Variants in SPHK1 observed in about 807,000 individuals in gnomAD.
SPHK1 encodes SK 1.
SPHK1 carries 10 observed loss-of-function variants against 14.6 expected under a neutral mutation model. That is an observed-to-expected ratio of 0.68 (90% CI 0.42 to 1.16). The LOEUF is 1.16. SPHK1 is among the 50% of genes most tolerant of loss of function. SPHK1 has a pLI of 0.00. For synonymous variants in SPHK1, 274 were observed against 224.0 expected (o/e 1.22, Z -1.99); for missense variants, 553 against 525.4 (o/e 1.05, Z -0.51).
In SPHK1 at chr17:76,386,791, T is replaced by G. The variant is rs2071992338; in HGVS notation, c.375-15T>G. The G allele has an allele frequency of 4.6e-6, 7 of 1,527,358 alleles. No individual in the cohort carries two copies. The highest frequency in any genetic ancestry group is 6.2e-6 in the Non-Finnish European group (7 of 1,137,414). 94.6% of individuals were successfully genotyped at this position (1,527,358 alleles called of 1,614,324 possible). On this transcript the variant is annotated splice_polypyrimidine_tract_variant and intron_variant, in intron 5 of 5. Transcript: ENST00000592299. The surrounding 1 kb of genome is among the most constrained non-coding windows in gnomAD (Gnocchi z 5.3). The stretch of plus-strand genomic sequence containing the variant: ...GGGCTCCTGTCCTGCCTTATCTGAC[T>G]TTTTCCCCCTGCAGCTATGAGCAGG...
At position 76,386,447 on chromosome 17, in the gene SPHK1, C is replaced by T. The variant is rs751274514; in HGVS notation, c.313C>T (p.Leu105=). 5.6e-6 allele frequency: 9 copies of T among 1,613,094 alleles called. No individual in the cohort carries two copies. In the East Asian group the frequency reaches 1.3e-4, roughly 24 times the overall value. Reference sequence around the variant, plus strand: ...CTGGGAGACCGCCATCCAGAAGCCCCTGTGTAGCCTCCCAGCAGGCTCTGG... The same window carrying T: ...CTGGGAGACCGCCATCCAGAAGCCCTTGTGTAGCCTCCCAGCAGGCTCTGG... ...PDWETAIQKP[L]CSLPAGSGNA... The change falls in exon 5 of 6, where the codon CTG becomes TTG. Residue 105 remains leucine, a synonymous_variant. Coordinates refer to ENST00000592299, the MANE Select transcript of SPHK1 (RefSeq NM_001142601.2). This position sits in a 1 kb window ranked among gnomAD's most constrained non-coding sequence, Gnocchi z 5.3.
Position 76,384,747 on chromosome 17 carries a change from C to G in SPHK1, c.-254C>G. The G allele has an allele frequency of 5.4e-6, 1 of 186,898 alleles. No individual in the cohort carries two copies. The highest frequency in any genetic ancestry group is 1.1e-5 in the Non-Finnish European group (1 of 91,126). 11.6% of individuals were successfully genotyped at this position (186,898 alleles called of 1,614,324 possible). A position where few individuals can be genotyped will look rare whatever the true frequency, so the allele number is the denominator to read the frequency against. ...GGCTGAGCTTGGGACGAGCTGCGTT[C>G]CGCCCCAGGCCACTGTAGGGAACGG... is the stretch of plus-strand genomic sequence containing the variant. On this transcript the variant is annotated 5_prime_UTR_variant, in exon 1 of 6. Coordinates refer to ENST00000592299, the MANE Select transcript of SPHK1 (RefSeq NM_001142601.2).
Position 76,386,686 on chromosome 17 carries a change from C to A in SPHK1, c.375-120C>A. ...TCCATTTGCTCCATCTGTCACCTAC[C>A]AGTCCTGCCAACTCCCCAGGGACCA... On this transcript the variant is annotated intron_variant, in intron 5 of 5. Coordinates refer to ENST00000592299, the MANE Select transcript of SPHK1 (RefSeq NM_001142601.2). The surrounding 1 kb of genome is among the most constrained non-coding windows in gnomAD (Gnocchi z 5.3). 7.9e-7 allele frequency: 1 copy of A among 1,269,498 alleles called. No homozygotes were observed. The highest frequency in any genetic ancestry group is 1.4e-5 in the South Asian group (1 of 69,008). The allele number at this position is 1,269,498 out of a possible 1,614,324, so 78.6% of individuals were successfully genotyped here.
At position 76,386,118 on chromosome 17, in the gene SPHK1, C is replaced by T. The variant is rs150987464; in HGVS notation, c.144C>T (p.Ser48=). ...VQPLLAEAEI[S]FTLMLTERRN... ...CCCTTTTGGCTGAGGCTGAAATCTC[C>T]TTCACGCTGATGCTCACTGGTGAGT... Residue 48 remains serine (S), a synonymous_variant, in exon 3 of 6, where the codon TCC becomes TCT. Coordinates refer to ENST00000592299, the MANE Select transcript of SPHK1 (RefSeq NM_001142601.2). The surrounding 1 kb of genome is among the most constrained non-coding windows in gnomAD (Gnocchi z 5.3). 1.7e-3 allele frequency: 2,659 copies of T among 1,597,526 alleles called. 2 individuals carry two copies. Among genetic ancestry groups the T allele is most frequent in the Middle Eastern group, 2.8e-3 (17 of 5,984 alleles).
chr17:76,385,896 C>A lies in SPHK1; in HGVS notation c.11-89C>A, dbSNP rs1270080127. The A allele has an allele frequency of 1.3e-6, 2 of 1,500,146 alleles. No individual in the cohort carries two copies. Among genetic ancestry groups the A allele is most frequent in the Non-Finnish European group, 8.9e-7 (1 of 1,120,040 alleles). 92.9% of individuals were successfully genotyped at this position (1,500,146 alleles called of 1,614,324 possible). A position where few individuals can be genotyped will look rare whatever the true frequency, so the allele number is the denominator to read the frequency against. On this transcript the variant is annotated intron_variant, in intron 2 of 5. Coordinates refer to ENST00000592299, the MANE Select transcript of SPHK1 (RefSeq NM_001142601.2). This position sits in a 1 kb window ranked among gnomAD's most constrained non-coding sequence, Gnocchi z 5.3. ...GGGTCAATTACCGGGGTGTTTCGGG[C>A]ACCAAGTTCCCACACTAGTGCCCCA...
In SPHK1 at chr17:76,385,959, T is replaced by A. The variant is rs1482545687; in HGVS notation, c.11-26T>A. Reference sequence around the variant, plus strand: ...GCCCCCTAGTGGTCGGTTGCGGACGTGGCCTCTTTGGTTTTGTTTTCTCAG... The same window carrying A: ...GCCCCCTAGTGGTCGGTTGCGGACGAGGCCTCTTTGGTTTTGTTTTCTCAG... On this transcript the variant is annotated intron_variant, in intron 2 of 5. Coordinates refer to ENST00000592299, the MANE Select transcript of SPHK1 (RefSeq NM_001142601.2). The surrounding 1 kb of genome is among the most constrained non-coding windows in gnomAD (Gnocchi z 5.3). The A allele has an allele frequency of 6.3e-7, 1 of 1,581,872 alleles. No homozygotes were observed. The highest frequency in any genetic ancestry group is 8.6e-7 in the Non-Finnish European group (1 of 1,161,578).
Position 76,386,083 on chromosome 17 carries a change from C to T in SPHK1, c.109C>T (p.His37Tyr). 1 of 1,605,914 alleles carries T rather than the reference C, an allele frequency of 6.2e-7. No homozygotes were observed. Among genetic ancestry groups the T allele is most frequent in the Non-Finnish European group, 8.5e-7 (1 of 1,175,758 alleles). Residue 37 changes from histidine (H) to tyrosine (Y), a missense_variant, in exon 3 of 6, where the codon CAC becomes TAC. Coordinates refer to ENST00000592299, the MANE Select transcript of SPHK1 (RefSeq NM_001142601.2). This position sits in a 1 kb window ranked among gnomAD's most constrained non-coding sequence, Gnocchi z 5.3. ...KGKALQLFRS[H>Y]VQPLLAEAEI... is the part of the protein sequence containing the mutation. Reference sequence around the variant, plus strand: ...CAAGGCCTTGCAGCTCTTCCGGAGTCACGTGCAGCCCCTTTTGGCTGAGGC... The same window carrying T: ...CAAGGCCTTGCAGCTCTTCCGGAGTTACGTGCAGCCCCTTTTGGCTGAGGC...
rs775476647 is a variant in SPHK1 at position 76,387,132 on chromosome 17, T to A, written c.701T>A (p.Val234Glu). Residue 234 changes from valine to glutamate, a missense_variant, in exon 6 of 6, where the codon GTA becomes GAA. Transcript: ENST00000592299. The surrounding 1 kb of genome is among the most constrained non-coding windows in gnomAD (Gnocchi z 4.1). ...CCCGTTGTGGTCCAGCAGGGCCCGG[T>A]AGATGCACACCTTGTGCCACTGGAG... The part of the protein sequence containing the change: ...ASPVVVQQGP[V>E]DAHLVPLEEP... 3 of 1,613,050 alleles carry A rather than the reference T, an allele frequency of 1.9e-6. No individual in the cohort carries two copies. Among genetic ancestry groups the A allele is most frequent in the Non-Finnish European group, 2.5e-6 (3 of 1,180,024 alleles).
rs1457339531 is a variant in SPHK1, at chr17:76,385,151, C to T, written c.-194-300C>T. 2 of 1,594,724 alleles carry T rather than the reference C, an allele frequency of 1.3e-6. No individual in the cohort carries two copies. Among genetic ancestry groups the T allele is most frequent in the East Asian group, 2.3e-5 (1 of 44,248 alleles). On this transcript the variant is annotated intron_variant, in intron 1 of 5. Transcript: ENST00000592299. The surrounding 1 kb of genome is among the most constrained non-coding windows in gnomAD (Gnocchi z 5.3). ...ATTTTTACGCAGCTGGACTCCCCTCCCCCTGGCAGCCCCGAGGGGTGAGGA... is the reference window on the plus strand; with the variant it reads ...ATTTTTACGCAGCTGGACTCCCCTCTCCCTGGCAGCCCCGAGGGGTGAGGA...
In SPHK1 at chr17:76,385,184, C is replaced by T. The variant is rs749516264; in HGVS notation, c.-194-267C>T. 3.2e-6 allele frequency: 5 copies of T among 1,577,738 alleles called. No individual in the cohort carries two copies. In the South Asian group the frequency reaches 4.7e-5, roughly 15 times the overall value. ...AGCCCCGAGGGGTGAGGAGCTAGTCCGTCGGAGGGAGCCACGGGGCTCTGA... is the reference window on the plus strand; with the variant it reads ...AGCCCCGAGGGGTGAGGAGCTAGTCTGTCGGAGGGAGCCACGGGGCTCTGA... On this transcript the variant is annotated intron_variant, in intron 1 of 5. Transcript: ENST00000592299. This position sits in a 1 kb window ranked among gnomAD's most constrained non-coding sequence, Gnocchi z 5.3.
chr17:76,386,174 C>A lies in SPHK1; in HGVS notation c.163+37C>A. The A allele has an allele frequency of 6.3e-7, 1 of 1,588,780 alleles. No individual in the cohort carries two copies. The highest frequency in any genetic ancestry group is 8.5e-7 in the Non-Finnish European group (1 of 1,170,484). On this transcript the variant is annotated intron_variant, in intron 3 of 5. Coordinates refer to ENST00000592299, the MANE Select transcript of SPHK1 (RefSeq NM_001142601.2). The surrounding 1 kb of genome is among the most constrained non-coding windows in gnomAD (Gnocchi z 5.3). ...TCGGAGGGGGTTTCGGGAGCATCCC[C>A]TGGCAGGGGACCCCCCCAGTCCTGA...
chr17:76,387,421 GC>G lies in SPHK1; in HGVS notation c.993del (p.Lys332ArgfsTer13). On this transcript the variant is annotated frameshift_variant, in exon 6 of 6. Transcript: ENST00000592299. LOFTEE classifies it low-confidence loss of function (END_TRUNC). The surrounding 1 kb of genome is among the most constrained non-coding windows in gnomAD (Gnocchi z 4.1). ...YVPVVAFRLE[P>X]KDGKGVFAVD... ...TGCCCGTGGTCGCCTTCCGCTTGGA[GC>G]CCAAGGATGGGAAAGGTGTGTTTGC... 6.2e-7 allele frequency: 1 copy of G among 1,613,864 alleles called. No individual in the cohort carries two copies.
rs2071990632 is a variant in SPHK1 at position 76,386,713 on chromosome 17, A to G, written c.375-93A>G. The G allele has an allele frequency of 4.2e-6, 6 of 1,412,404 alleles. No homozygotes were observed. The South Asian group carries it at 6.9e-5, about 16-fold the overall frequency. 87.5% of individuals were successfully genotyped at this position (1,412,404 alleles called of 1,614,324 possible). The stretch of plus-strand genomic sequence containing the variant: ...GTCCTGCCAACTCCCCAGGGACCAC[A>G]TGGCGCTTTGCCAGCTCCCACTCCC... On this transcript the variant is annotated intron_variant, in intron 5 of 5. Transcript: ENST00000592299. The surrounding 1 kb of genome is among the most constrained non-coding windows in gnomAD (Gnocchi z 5.3).
chr17:76,387,052 C>A lies in SPHK1; in HGVS notation c.621C>A (p.Arg207=). Residue 207 remains arginine (R), a synonymous_variant, in exon 6 of 6, where the codon CGC becomes CGA. Coordinates refer to ENST00000592299, the MANE Select transcript of SPHK1 (RefSeq NM_001142601.2). This position sits in a 1 kb window ranked among gnomAD's most constrained non-coding sequence, Gnocchi z 4.1. The part of the protein sequence containing the change: ...FLRLAALRTY[R]GRLAYLPVGR... ...GTCTGGCAGCCCTGCGCACCTACCGCGGCCGACTGGCCTACCTCCCTGTAG... is the reference window on the plus strand; with the variant it reads ...GTCTGGCAGCCCTGCGCACCTACCGAGGCCGACTGGCCTACCTCCCTGTAG... The A allele has an allele frequency of 6.2e-7, 1 of 1,613,544 alleles. No individual in the cohort carries two copies. Among genetic ancestry groups the A allele is most frequent in the Non-Finnish European group, 8.5e-7 (1 of 1,180,032 alleles).
Position 76,387,164 on chromosome 17 carries a change from G to A in SPHK1, c.733G>A (p.Val245Met). Residue 245 changes from valine to methionine, a missense_variant, in exon 6 of 6, where the codon GTG (valine) becomes ATG (methionine). Transcript: ENST00000592299. The surrounding 1 kb of genome is among the most constrained non-coding windows in gnomAD (Gnocchi z 4.1). The part of the protein sequence containing the change: ...DAHLVPLEEP[V>M]PSHWTVVPDE... ...ACACCTTGTGCCACTGGAGGAGCCAGTGCCCTCTCACTGGACAGTGGTGCC... is the reference window on the plus strand; with the variant it reads ...ACACCTTGTGCCACTGGAGGAGCCAATGCCCTCTCACTGGACAGTGGTGCC... 1 of 1,613,272 alleles carries A rather than the reference G, an allele frequency of 6.2e-7. No individual in the cohort carries two copies.
chr17:76,384,106 G>A, upstream of SPHK1: 1 of 275,126 alleles, frequency 3.6e-6, no homozygotes, highest in South Asian at 2.8e-5. Flanking sequence ...GTGGCGTGCG[G>A]GCCTCGAATT....
At chr17:76,383,964 C>T (rs2071913196), upstream of SPHK1, 3 of 963,910 alleles carry the variant, frequency 3.1e-6, no homozygotes, top group Non-Finnish European at 3.9e-6. Context: ...GCGCGCTAGG[C>T]GGCCTCAGGC....
At chr17:76,384,998 C>T (rs2071936210) in intron 1 of SPHK1, 192 bp downstream of exon 1, 7 of 1,346,178 alleles carry the variant, frequency 5.2e-6, no homozygotes, top group South Asian at 1.4e-5. Context: ...GGAGCGGGGC[C>T]CTGAGAAGCG....
Position 76,386,752 on chromosome 17 carries a change from CG to C in SPHK1, c.375-49del. ...GCTCCCACTCCCCGGGAGGAGGAAG[CG>C]GGGGATACATGGGGGCTCCTGTCCT... On this transcript the variant is annotated intron_variant, in intron 5 of 5. Transcript: ENST00000592299. This position sits in a 1 kb window ranked among gnomAD's most constrained non-coding sequence, Gnocchi z 5.3. The C allele has an allele frequency of 6.7e-7, 1 of 1,501,676 alleles. No homozygotes were observed. The allele number at this position is 1,501,676 out of a possible 1,614,324, so 93.0% of individuals were successfully genotyped here.
Sources: allele counts gnomAD v4.1 joint callset, GRCh38; gene constraint gnomAD v4.1.1; non-coding constraint Gnocchi (gnomAD v3.1); transcripts MANE v1.5; gene names NCBI Gene and HGNC (gene_info 2026-07-23, HGNC 2026-07-21).